The following SERPINA3 variants were observed in gnomAD, a reference collection of about 807,000 sequenced individuals.
The protein encoded by SERPINA3 is alpha-1-antichymotrypsin.
Under a neutral mutation model 26.8 loss-of-function variants are expected in SERPINA3, and 32 were observed. That is an observed-to-expected ratio of 1.20 (90% CI 0.90 to 1.61). The LOEUF is 1.61. Ranked by LOEUF, SERPINA3 falls within the 40% of genes most tolerant of loss-of-function variation. SERPINA3 has a pLI of 0.00. For missense variants in SERPINA3, 632 were observed against 517.9 expected, an observed-to-expected ratio of 1.22 and a Z score of -2.14; for synonymous variants, 252 against 206.4, an observed-to-expected ratio of 1.22 and a Z score of -1.89.
chr14:94,618,117 C>G, intron 2 of SERPINA3: 1 of 152,080 alleles, frequency 6.6e-6, no homozygotes, highest in East Asian at 1.9e-4. Context: ...ATGGAATTTT[C>G]AACATTTTAA....
intron 3 of SERPINA3, among the ~76,000 whole-genome samples, chr14:94,620,410 T>A (rs989042268): frequency 1.3e-5 from 2 of 150,968 alleles, no homozygotes; most frequent in Non-Finnish European, 3.0e-5. Flanking sequence ...GCAGAGAGAG[T>A]GAGGAGAGAG....
At chr14:94,623,026 C>T (rs1472241582) in intron 4 of SERPINA3, among the ~76,000 whole-genome samples, 1 of 152,228 alleles carries the variant, frequency 6.6e-6, no homozygotes, top group African/African-American at 2.4e-5. Flanking sequence ...TCTGTGCTCA[C>T]ACAGCACTGG....
At chr14:94,619,027 G>A in intron 2 of SERPINA3, 168 bp from the exon 3 acceptor site, 1 of 734,464 alleles carries the variant, frequency 1.4e-6, no homozygotes, top group Non-Finnish European at 2.4e-6. Flanking sequence ...CAAGCCTGCT[G>A]GGCTCTCCCT....
In SERPINA3 at chr14:94,614,713, C is replaced by A. The variant is rs762713568; in HGVS notation, c.272C>A (p.Ala91Asp). ...STALAFLSLG[A>D]HNTTLTEILK... Reference sequence around the variant, plus strand: ...GCCTTGGCCTTCCTGTCTCTGGGGGCCCATAATACCACCCTGACAGAGATT... The same window carrying A: ...GCCTTGGCCTTCCTGTCTCTGGGGGACCATAATACCACCCTGACAGAGATT... The change falls in exon 2 of 5, where the codon GCC becomes GAC. Residue 91 changes from alanine to aspartate, a missense_variant. Physicochemically the swap from Ala to Asp is moderately radical, Grantham distance 126. Transcript: ENST00000393078. 1 of 1,614,006 alleles carries A rather than the reference C, an allele frequency of 6.2e-7. No homozygotes were observed. Among genetic ancestry groups the A allele is most frequent in the Non-Finnish European group, 8.5e-7 (1 of 1,180,018 alleles).
In SERPINA3 at chr14:94,623,829, C is replaced by CA. The variant is rs763231723; in HGVS notation, c.*16dup. On this transcript the variant is annotated 3_prime_UTR_variant, in exon 5 of 5. Coordinates refer to ENST00000393078, the MANE Select transcript of SERPINA3 (RefSeq NM_001085.5). ...AGCAAGCCTAGAGCTTGCCATCAAG[C>CA]AGTGGGGCTCTCAGTAAGGAACTTG... The CA allele has an allele frequency of 3.0e-5, 49 of 1,611,066 alleles. No homozygotes were observed. The East Asian group carries it at 1.0e-3, about 34-fold the overall frequency.
intron 2 of SERPINA3, chr14:94,615,405 G>A (rs554575627): frequency 2.2e-5 from 11 of 490,948 alleles, no homozygotes; most frequent in African/African-American, 7.8e-5. Flanking sequence ...ACTCCAGGGC[G>A]CGTAGGAGCT....
rs1886293355 is a variant in SERPINA3 at position 94,623,752 on chromosome 14, G to T, written c.1210G>T (p.Val404Phe). 6.2e-7 allele frequency: 1 copy of T among 1,614,120 alleles called. No homozygotes were observed. Among genetic ancestry groups the T allele is most frequent in the Non-Finnish European group, 8.5e-7 (1 of 1,180,016 alleles). Residue 404 changes from valine to phenylalanine, a missense_variant, in exon 5 of 5, where the codon GTC (valine) becomes TTC (phenylalanine). Coordinates refer to ENST00000393078, the MANE Select transcript of SERPINA3 (RefSeq NM_001085.5). ...CAACAGGCCCTTCCTGATGATCATT[G>T]TCCCTACAGACACCCAGAACATCTT... is the stretch of plus-strand genomic sequence containing the variant. ...RFNRPFLMIIVPTDTQNIFFM... is the reference protein window; with the variant it reads ...RFNRPFLMIIFPTDTQNIFFM...
At chr14:94,619,521 C>T in intron 3 of SERPINA3, 53 bp downstream of exon 3, 6 of 1,607,870 alleles carry the variant, frequency 3.7e-6, no homozygotes, top group Non-Finnish European at 4.3e-6. Flanking sequence ...CAAGGTCTCA[C>T]CAATGTCCAG....
Position 94,623,894 on chromosome 14 carries a change from GC to G in SERPINA3, c.*84del. The G allele has an allele frequency of 7.9e-7, 1 of 1,273,130 alleles. No homozygotes were observed. The highest frequency in any genetic ancestry group is 1.2e-5 in the South Asian group (1 of 84,088). 78.9% of individuals were successfully genotyped at this position (1,273,130 alleles called of 1,614,324 possible). Reference sequence around the variant, plus strand: ...TGCCTGGGTCTCTGGGCACAGCCTGGCCCCTGTGCACCGAGTGGCCATGGCA... The same window carrying G: ...TGCCTGGGTCTCTGGGCACAGCCTGGCCCTGTGCACCGAGTGGCCATGGCA... On this transcript the variant is annotated 3_prime_UTR_variant, in exon 5 of 5. Transcript: ENST00000393078.
In SERPINA3 at chr14:94,619,292, T is replaced by A; in HGVS notation, c.741T>A (p.His247Gln). 6.2e-7 allele frequency: 1 copy of A among 1,614,184 alleles called. No homozygotes were observed. The highest frequency in any genetic ancestry group is 8.5e-7 in the Non-Finnish European group (1 of 1,180,030). The change falls in exon 3 of 5, where the codon CAT (histidine) becomes CAA (glutamine). Residue 247 changes from histidine to glutamine, a missense_variant. Physicochemically the swap from His to Gln is conservative, Grantham distance 24. Transcript: ENST00000393078. ...KWVMVPMMSL[H>Q]HLTIPYFRDE... Reference sequence around the variant, plus strand: ...TAATGGTGCCCATGATGAGTTTGCATCACCTGACTATACCTTACTTCCGGG... The same window carrying A: ...TAATGGTGCCCATGATGAGTTTGCAACACCTGACTATACCTTACTTCCGGG...
In SERPINA3 at chr14:94,619,598, T is replaced by C. The variant is rs1393339089; in HGVS notation, c.917+130T>C. 14 of 1,146,856 alleles carry C rather than the reference T, an allele frequency of 1.2e-5. No homozygotes were observed. The Admixed American group carries it at 2.1e-4, about 17-fold the overall frequency. 71.0% of individuals were successfully genotyped at this position (1,146,856 alleles called of 1,614,324 possible). A position where few individuals can be genotyped will look rare whatever the true frequency, so the allele number is the denominator to read the frequency against. ...TGGAATTTACACTTACTTTGCCCTA[T>C]GCTGCCTACATGGCTTTGGGCTTGA... On this transcript the variant is annotated intron_variant, in intron 3 of 4. Coordinates refer to ENST00000393078, the MANE Select transcript of SERPINA3 (RefSeq NM_001085.5).
Position 94,622,835 on chromosome 14 carries a change from C to T in SERPINA3, c.1068+344C>T, listed in dbSNP as rs143039898. ...GTCAAATGGTAGTGATAGTTCTTGGCTAGTATCCAGTGCCTGGCTGGACAG... is the reference window on the plus strand; with the variant it reads ...GTCAAATGGTAGTGATAGTTCTTGGTTAGTATCCAGTGCCTGGCTGGACAG... On this transcript the variant is annotated intron_variant, in intron 4 of 4. Coordinates refer to ENST00000393078, the MANE Select transcript of SERPINA3 (RefSeq NM_001085.5). 6.9e-5 allele frequency: 26 copies of T among 378,460 alleles called. No homozygotes were observed. The East Asian group carries it at 1.5e-3, about 22-fold the overall frequency. 23.4% of individuals were successfully genotyped at this position (378,460 alleles called of 1,614,324 possible).
At chr14:94,622,871 T>C (rs1886257335) in intron 4 of SERPINA3, 1 of 335,468 alleles carries the variant, frequency 3.0e-6, no homozygotes. Context: ...GGAATGCCAA[T>C]AGGTAATAAC....
rs770510468 is a variant in SERPINA3, at chr14:94,614,885, T to C, written c.444T>C (p.Ser148=). Residue 148 remains serine (S), a synonymous_variant, in exon 2 of 5, where the codon AGT becomes AGC. Transcript: ENST00000393078. ...GNAMFVKEQL[S]LLDRFTEDAK... ...CCATGTTTGTCAAAGAGCAACTCAG[T>C]CTGCTGGACAGGTTCACGGAGGATG... The C allele has an allele frequency of 6.2e-7, 1 of 1,614,184 alleles. No homozygotes were observed.
chr14:94,614,369 G>C (rs1885897969), intron 1 of SERPINA3, 65 bp from the exon 2 acceptor site: 1 of 1,519,910 alleles, frequency 6.6e-7, no homozygotes, highest in African/African-American at 1.4e-5. Flanking sequence ...GCTGGGTGGA[G>C]GGCAGTGGGA....
At chr14:94,622,572 T>C (rs1886245294) in intron 4 of SERPINA3, 81 bp downstream of exon 4, 5 of 1,512,694 alleles carry the variant, frequency 3.3e-6, no homozygotes, top group Non-Finnish European at 4.5e-6. Flanking sequence ...TTGGGTACTC[T>C]TGAACTTGGG....
rs780951935 is a variant in SERPINA3, at chr14:94,614,544, AC to A, written c.106del (p.Gln36ArgfsTer14). On this transcript the variant is annotated frameshift_variant, in exon 2 of 5. Transcript: ENST00000393078. LOFTEE classifies it high-confidence loss of function. ...PNSPLDEENL[T>X]QENQDRGTHV... ...CAGCCCACTTGACGAGGAGAATCTG[AC>A]CCAGGAGAACCAAGACCGAGGGACA... 19 of 1,614,000 alleles carry A rather than the reference AC, an allele frequency of 1.2e-5. No individual in the cohort carries two copies. In the Admixed American group the frequency reaches 2.7e-4, roughly 23 times the overall value.
chr14:94,614,372 C>T, intron 1 of SERPINA3, 62 bp from the exon 2 acceptor site: 8 of 1,512,240 alleles, frequency 5.3e-6, no homozygotes, highest in South Asian at 1.1e-5. Flanking sequence ...GGGTGGAGGG[C>T]AGTGGGAGGT....
At position 94,623,736 on chromosome 14, in the gene SERPINA3, C is replaced by T; in HGVS notation, c.1194C>T (p.Pro398=). The change falls in exon 5 of 5, where the codon CCC becomes CCT. Residue 398 remains proline, a synonymous_variant. Transcript: ENST00000393078. ...GGACCATTGTGCGTTTCAACAGGCC[C>T]TTCCTGATGATCATTGTCCCTACAG... ...ETRTIVRFNR[P]FLMIIVPTDT... is the part of the protein sequence containing the mutation. 4 of 1,614,168 alleles carry T rather than the reference C, an allele frequency of 2.5e-6. No homozygotes were observed. The highest frequency in any genetic ancestry group is 3.4e-6 in the Non-Finnish European group (4 of 1,180,014).
Sources: allele counts gnomAD v4.1 joint callset (sites outside exome capture counted in the v4.1 genomes callset), GRCh38; gene constraint gnomAD v4.1.1; transcripts MANE v1.5; gene names NCBI Gene and HGNC (gene_info 2026-07-23, HGNC 2026-07-21).